PGCKA1: variants seen among roughly 807,000 people sequenced by gnomAD.
PGCKA1 encodes the protein PDCD10 and GCKIII kinases-associated protein 1.
the PGCKA1 span, among the ~76,000 whole-genome samples, chr4:37,456,944 T>C: frequency 1.3e-5 from 2 of 152,258 alleles, no homozygotes; most frequent in Non-Finnish European, 2.9e-5. Flanking sequence ...AACCCATTAA[T>C]TGACTTGAAT....
chr4:37,498,890 T>G, the PGCKA1 span, among the ~76,000 whole-genome samples: 9 of 152,324 alleles, frequency 5.9e-5, no homozygotes, highest in Admixed American at 1.3e-4. Flanking sequence ...GAAGACATCC[T>G]TGTCTTGTGC....
the PGCKA1 span, among the ~76,000 whole-genome samples, chr4:37,507,054 T>G: frequency 1.3e-5 from 2 of 152,154 alleles, no homozygotes; most frequent in Non-Finnish European, 2.9e-5. Flanking sequence ...TCTCTTCTTA[T>G]CATTTTTGTC....
the PGCKA1 span, among the ~76,000 whole-genome samples, chr4:37,517,794 A>G: frequency 6.6e-6 from 1 of 152,330 alleles, no homozygotes; most frequent in South Asian, 2.1e-4. Context: ...GAAAATGTAC[A>G]ACTAAGTTAT....
the PGCKA1 span, among the ~76,000 whole-genome samples, chr4:37,517,154 G>A: frequency 2.1e-4 from 32 of 151,888 alleles, no homozygotes; most frequent in African/African-American, 7.5e-4. Flanking sequence ...AGGAGGCTGA[G>A]GCAGGAGAAT....
chr4:37,518,104 A>G, the PGCKA1 span, among the ~76,000 whole-genome samples: 8 of 152,202 alleles, frequency 5.3e-5, no homozygotes, highest in Admixed American at 5.2e-4. Context: ...TCATTCTTTT[A>G]TGGCTGAATA....
At chr4:37,556,771 G>GCT in the PGCKA1 span, among the ~76,000 whole-genome samples, 7 of 152,128 alleles carry the variant, frequency 4.6e-5, no homozygotes, top group African/African-American at 1.7e-4. Flanking sequence ...GCTTTTCCCT[G>GCT]CTAGAGGGTT....
At chr4:37,465,700 G>A in the PGCKA1 span, among the ~76,000 whole-genome samples, 1 of 152,120 alleles carries the variant, frequency 6.6e-6, no homozygotes, top group Admixed American at 6.5e-5. Flanking sequence ...AGGTGGGTGA[G>A]GATAAAGAAA....
chr4:37,583,531 G>C, the PGCKA1 span, among the ~76,000 whole-genome samples: 1 of 151,874 alleles, frequency 6.6e-6, no homozygotes, highest in Admixed American at 6.6e-5. Context: ...CCGCCTCCCA[G>C]GTTCACGCCA....
At chr4:37,537,132 G>A in the PGCKA1 span, among the ~76,000 whole-genome samples, 13 of 152,220 alleles carry the variant, frequency 8.5e-5, no homozygotes, top group Admixed American at 2.6e-4. Flanking sequence ...TTGTTCTTAA[G>A]GCTCATAAGA....
chr4:37,562,031 A>G, the PGCKA1 span, among the ~76,000 whole-genome samples: 2 of 152,306 alleles, frequency 1.3e-5, no homozygotes, highest in East Asian at 3.9e-4. Context: ...CAGTGACATC[A>G]CCAACAAAAA....
chr4:37,558,579 ATG>A, the PGCKA1 span, among the ~76,000 whole-genome samples: 3 of 152,004 alleles, frequency 2.0e-5, no homozygotes, highest in Non-Finnish European at 2.9e-5. Context: ...GCAACAAAAG[ATG>A]AAATTGACAA....
chr4:37,513,119 A>G, the PGCKA1 span, among the ~76,000 whole-genome samples: 2 of 150,218 alleles, frequency 1.3e-5, no homozygotes, highest in Non-Finnish European at 3.0e-5. Context: ...AGAAAGAAAG[A>G]AAGAAATCCC....
At chr4:37,502,793 C>A in the PGCKA1 span, among the ~76,000 whole-genome samples, 1 of 152,050 alleles carries the variant, frequency 6.6e-6, no homozygotes, top group South Asian at 2.1e-4. Flanking sequence ...GAGCTCTCTA[C>A]CAGTCAGGCA....
the PGCKA1 span, among the ~76,000 whole-genome samples, chr4:37,501,912 G>A: frequency 4.6e-5 from 7 of 152,238 alleles, no homozygotes; most frequent in South Asian, 4.1e-4. Context: ...TGAAGTTGCT[G>A]TTTTTGATGA....
chr4:37,500,982 C>T, the PGCKA1 span, among the ~76,000 whole-genome samples: 119 of 152,238 alleles, frequency 7.8e-4, no homozygotes, highest in Non-Finnish European at 1.4e-3. Context: ...TTTTCTCCAT[C>T]CCTTTATTTT....
At chr4:37,491,007 A>T in the PGCKA1 span, among the ~76,000 whole-genome samples, 7 of 152,206 alleles carry the variant, frequency 4.6e-5, no homozygotes, top group South Asian at 2.1e-4. Flanking sequence ...AGCTCTATTT[A>T]TACTATTACA....
the PGCKA1 span, among the ~76,000 whole-genome samples, chr4:37,584,695 A>G: frequency 6.6e-5 from 10 of 152,110 alleles, no homozygotes; most frequent in Admixed American, 4.6e-4. Context: ...ATAGCAGCAG[A>G]AGGCGGGGAT....
At chr4:37,571,832 A>G in the PGCKA1 span, among the ~76,000 whole-genome samples, 1 of 151,888 alleles carries the variant, frequency 6.6e-6, no homozygotes, top group Admixed American at 6.6e-5. Context: ...GGGTTTCACC[A>G]TGTTGGCCAG....
At chr4:37,495,389 A>T in the PGCKA1 span, among the ~76,000 whole-genome samples, 1 of 152,210 alleles carries the variant, frequency 6.6e-6, no homozygotes, top group South Asian at 2.1e-4. Flanking sequence ...CTGGGTATAT[A>T]CCCAAAGGAT....
Sources: gnomAD v4.1 joint callset for allele counts (sites outside exome capture counted in the v4.1 genomes callset) on GRCh38, gnomAD v4.1.1 for gene constraint, MANE v1.5 for transcripts, NCBI Gene and HGNC (gene_info 2026-07-23, HGNC 2026-07-21) for gene names.